ROBO2: variants seen among roughly 807,000 people sequenced by gnomAD.
The protein encoded by ROBO2 is roundabout homolog 2.
In ROBO2, 53 loss-of-function variants were observed where a neutral mutation model predicts 160.8. That is an observed-to-expected ratio of 0.33 (90% CI 0.26 to 0.41). The LOEUF is 0.41. ROBO2 is among the 10% of genes least tolerant of loss of function. The pLI, the probability that ROBO2 is intolerant of heterozygous loss-of-function variation, is 1.00. For missense variants in ROBO2, 1,577 were observed against 1,722.4 expected (o/e 0.92, Z 1.49); for synonymous variants, 664 against 611.7 (o/e 1.09, Z -1.26).
intron 2 of ROBO2, among the ~76,000 whole-genome samples, chr3:76,745,215 G>A (rs1355152867): frequency 6.6e-6 from 1 of 152,012 alleles, no homozygotes; most frequent in East Asian, 1.9e-4. Flanking sequence ...TATATTGGTG[G>A]ATCGATAGAT....
intron 23 of ROBO2, among the ~76,000 whole-genome samples, chr3:77,625,581 T>A (rs2094998698): frequency 6.6e-6 from 1 of 152,158 alleles, no homozygotes; most frequent in South Asian, 2.1e-4. Context: ...TTTCACCATG[T>A]TGACCAAGAG....
chr3:77,213,552 G>T (rs960724847), intron 2 of ROBO2, among the ~76,000 whole-genome samples: 1 of 151,994 alleles, frequency 6.6e-6, no homozygotes, highest in African/African-American at 2.4e-5. Context: ...TTGATTTTTT[G>T]AAGGGTTTTT....
chr3:77,537,177 A>G (rs543524293), intron 6 of ROBO2, among the ~76,000 whole-genome samples: 34 of 152,000 alleles, frequency 2.2e-4, no homozygotes, highest in African/African-American at 8.2e-4. Context: ...AACACATGGC[A>G]ATTCAGAAGC....
At chr3:76,401,683 ATAT>A (rs1376703085) in intron 2 of ROBO2, among the ~76,000 whole-genome samples, 1 of 151,488 alleles carries the variant, frequency 6.6e-6, no homozygotes, top group Non-Finnish European at 1.5e-5. Flanking sequence ...ACAGATATTA[ATAT>A]TATTCTTGTT....
At chr3:76,346,833 A>C (rs937933483) in intron 2 of ROBO2, among the ~76,000 whole-genome samples, 7 of 152,170 alleles carry the variant, frequency 4.6e-5, no homozygotes, top group African/African-American at 1.7e-4. Context: ...ACAACATGAA[A>C]GCAAAATAAA....
At chr3:76,374,055 C>G (rs368366766) in intron 2 of ROBO2, among the ~76,000 whole-genome samples, 95 of 152,008 alleles carry the variant, frequency 6.2e-4, no homozygotes, top group Middle Eastern at 3.4e-3. Context: ...TGCAAGTCCT[C>G]TTGAAGCCTA....
intron 2 of ROBO2, among the ~76,000 whole-genome samples, chr3:77,242,270 A>G (rs1034576133): frequency 1.3e-5 from 2 of 152,142 alleles, no homozygotes; most frequent in African/African-American, 4.8e-5. Flanking sequence ...GGCTGAAGAG[A>G]TTAGCAGCAT....
exon 1 of ROBO2, chr3:77,039,906 C>T (rs2063909561): frequency 6.1e-6 from 1 of 162,740 alleles, no homozygotes; most frequent in Non-Finnish European, 1.3e-5. Flanking sequence ...CTCAGCGCGC[C>T]TGGCGCTGGA....
intron 2 of ROBO2, among the ~76,000 whole-genome samples, chr3:76,579,988 T>C (rs1016412546): frequency 8.5e-5 from 13 of 152,240 alleles, no homozygotes; most frequent in South Asian, 2.1e-4. Flanking sequence ...GATTTAGCTC[T>C]CACCCTTATA....
In ROBO2 at chr3:76,555,911, T is replaced by C. The variant is rs372712978; in HGVS notation, c.110-542103T>C. 7.0e-4 allele frequency among the ~76,000 whole-genome samples: 106 copies of C among 152,026 alleles called. 2 individuals carry two copies. In the South Asian group the frequency reaches 0.021, roughly 30 times the overall value. On this transcript the variant is annotated intron_variant, in intron 2 of 26. Transcript: ENST00000487694. ...GCCTGGCCAACATGGTGAAACCTCC[T>C]CTCTACTGAAAACAAAAAATACAAA...
intron 2 of ROBO2, among the ~76,000 whole-genome samples, chr3:76,873,666 A>C (rs1203610564): frequency 6.6e-6 from 1 of 152,098 alleles, no homozygotes; most frequent in Non-Finnish European, 1.5e-5. Context: ...CCAGGGCTCA[A>C]AGGGTTCTCC....
chr3:77,609,273 A>T (rs2094581260), intron 21 of ROBO2, among the ~76,000 whole-genome samples: 1 of 152,076 alleles, frequency 6.6e-6, no homozygotes, highest in Non-Finnish European at 1.5e-5. Context: ...CTTCTCTAAC[A>T]TAAAAAATAA....
At chr3:75,974,836 T>C (rs1195678864) in intron 2 of ROBO2, among the ~76,000 whole-genome samples, 1 of 151,570 alleles carries the variant, frequency 6.6e-6, no homozygotes, top group East Asian at 1.9e-4. Context: ...TTAAGTCACA[T>C]TATATTTATT....
At chr3:76,718,551 G>A (rs1025326473) in intron 2 of ROBO2, among the ~76,000 whole-genome samples, 1 of 152,098 alleles carries the variant, frequency 6.6e-6, no homozygotes, top group Non-Finnish European at 1.5e-5. Flanking sequence ...GAAAACTTAC[G>A]ATGAGTGAGC....
At chr3:76,181,174 T>G (rs1701483837) in intron 2 of ROBO2, among the ~76,000 whole-genome samples, 1 of 152,146 alleles carries the variant, frequency 6.6e-6, no homozygotes, top group Admixed American at 6.6e-5. Flanking sequence ...CTGCCATTAT[T>G]TGTATTTGCC....
intron 2 of ROBO2, among the ~76,000 whole-genome samples, chr3:76,954,500 C>T (rs2079133246): frequency 6.6e-6 from 1 of 152,194 alleles, no homozygotes; most frequent in African/African-American, 2.4e-5. Context: ...AACACTATGT[C>T]TGTCTATGTT....
chr3:76,069,344 AT>A (rs35358091), intron 2 of ROBO2, among the ~76,000 whole-genome samples: 56,324 of 151,890 alleles, frequency 0.37, 11,070 homozygotes, highest in South Asian at 0.57. Context: ...TGTTATTTCT[AT>A]TTTTCCCAGA....
intron 2 of ROBO2, among the ~76,000 whole-genome samples, chr3:76,184,136 G>A (rs535995024): frequency 7.9e-5 from 12 of 152,164 alleles, no homozygotes; most frequent in South Asian, 4.1e-4. Context: ...TTTGGTTCAC[G>A]TGTGTGTGGG....
At chr3:75,938,934 ATAG>A (rs1947913730) in intron 2 of ROBO2, among the ~76,000 whole-genome samples, 1 of 152,172 alleles carries the variant, frequency 6.6e-6, no homozygotes, top group African/African-American at 2.4e-5. Context: ...TTTAATACAC[ATAG>A]TAGTTTTTTC....
Sources: allele counts gnomAD v4.1 joint callset (sites outside exome capture counted in the v4.1 genomes callset), GRCh38; gene constraint gnomAD v4.1.1; transcripts MANE v1.5; gene names NCBI Gene and HGNC (gene_info 2026-07-23, HGNC 2026-07-21).